Variants in SPRED2 observed in about 807,000 individuals in gnomAD.
The protein encoded by SPRED2 is sprouty related EVH1 domain containing 2, also known as sprouty-related, EVH1 domain-containing protein 2.
A neutral mutation model predicts 43.0 loss-of-function variants in SPRED2; 47 were observed. That is an observed-to-expected ratio of 1.09 (90% CI 0.87 to 1.40). The LOEUF is 1.40. SPRED2 is among the 40% of genes most tolerant of loss of function. The pLI is 0.00. For synonymous variants in SPRED2, 225 were observed against 225.7 expected, an observed-to-expected ratio of 1.00 and a Z score of 0.03; for missense variants, 561 against 586.4, an observed-to-expected ratio of 0.96 and a Z score of 0.45.
Position 65,313,049 on chromosome 2 carries a change from G to A in SPRED2, c.*452C>T, listed in dbSNP as rs1306965689. 9.1e-6 allele frequency: 9 copies of A among 987,124 alleles called. No individual in the cohort carries two copies. The highest frequency in any genetic ancestry group is 6.1e-5 in the Admixed American group (1 of 16,304). The allele number at this position is 987,124 out of a possible 1,614,324, so 61.1% of individuals were successfully genotyped here. ...TCCGCTGAACCAGATGCTTGCTAGC[G>A]ACAGGCAAGGTGAACCAAGAGAAAG... On this transcript the variant is annotated 3_prime_UTR_variant, in exon 6 of 6. Transcript: ENST00000356388.
intron 1 of SPRED2, among the ~76,000 whole-genome samples, chr2:65,409,059 A>T (rs376215739): frequency 4.6e-5 from 7 of 152,362 alleles, no homozygotes; most frequent in East Asian, 3.9e-4. Flanking sequence ...AAATCAACTG[A>T]CTTAATACAA....
intron 4 of SPRED2, among the ~76,000 whole-genome samples, chr2:65,321,113 A>C (rs549045863): frequency 1.3e-5 from 2 of 152,308 alleles, no homozygotes; most frequent in African/African-American, 4.8e-5. Context: ...ACAAAAGCAG[A>C]GGTCCCCTGT....
chr2:65,371,813 C>T (rs142641171), intron 1 of SPRED2, among the ~76,000 whole-genome samples: 4 of 151,988 alleles, frequency 2.6e-5, no homozygotes, highest in Non-Finnish European at 4.4e-5. Context: ...CGGTGGCTCA[C>T]GCCTCTAATC....
At chr2:65,391,483 T>C (rs1162847000) in intron 1 of SPRED2, among the ~76,000 whole-genome samples, 4 of 152,204 alleles carry the variant, frequency 2.6e-5, no homozygotes, top group African/African-American at 9.7e-5. Flanking sequence ...CAGAATTCTG[T>C]ATTGGATTTT....
chr2:65,344,833 C>G lies in SPRED2; in HGVS notation c.90G>C (p.Trp30Cys). 6.2e-7 allele frequency: 1 copy of G among 1,614,182 alleles called. No individual in the cohort carries two copies. Among genetic ancestry groups the G allele is most frequent in the Non-Finnish European group, 8.5e-7 (1 of 1,180,038 alleles). ...VMTRDDSSGG[W>C]FPQEGGGISR... The stretch of plus-strand genomic sequence containing the variant: ...TGATCCCGCCTCCTTCCTGTGGGAA[C>G]CATCCCCCGCTGGAGTCATCTCTGG... Residue 30 changes from tryptophan to cysteine, a missense_variant, in exon 2 of 6, where the codon TGG becomes TGC. Trp to Cys is a radical substitution (Grantham distance 215). Around this residue, in one of 6 missense-constraint regions of SPRED2, gnomAD observed 305 missense variants for 282.4 expected, o/e 1.08. Coordinates refer to ENST00000356388, the MANE Select transcript of SPRED2 (RefSeq NM_181784.3).
chr2:65,342,479 G>A lies in SPRED2; in HGVS notation c.204+2240C>T, dbSNP rs556645276. Among the ~76,000 whole-genome samples the A allele has an allele frequency of 1.2e-3, 172 of 149,334 alleles. 1 individual carries two copies. The Middle Eastern group carries it at 0.025, about 22-fold the overall frequency. ...ATATATGTATGAATATTTTGTATACGTATATTATATATGTATGTATATTTT... is the reference window on the plus strand; with the variant it reads ...ATATATGTATGAATATTTTGTATACATATATTATATATGTATGTATATTTT... On this transcript the variant is annotated intron_variant, in intron 2 of 5. Transcript: ENST00000356388.
chr2:65,392,305 A>G (rs1675658547), intron 1 of SPRED2, among the ~76,000 whole-genome samples: 1 of 151,488 alleles, frequency 6.6e-6, no homozygotes. Context: ...CAGCCTCCCA[A>G]CCACAGGTGA....
intron 4 of SPRED2, among the ~76,000 whole-genome samples, chr2:65,323,907 TG>T (rs1217333442): frequency 6.6e-6 from 1 of 151,884 alleles, no homozygotes; most frequent in Middle Eastern, 3.2e-3. Context: ...GAAGGGTTTC[TG>T]GGTTTGGGTT....
chr2:65,396,351 C>G (rs902293431), intron 1 of SPRED2, among the ~76,000 whole-genome samples: 1 of 152,206 alleles, frequency 6.6e-6, no homozygotes, highest in African/African-American at 2.4e-5. Flanking sequence ...ATTTCCTTCC[C>G]CCACCAAATA....
At chr2:65,335,216 T>A (rs1673929786) in intron 2 of SPRED2, among the ~76,000 whole-genome samples, 1 of 152,164 alleles carries the variant, frequency 6.6e-6, no homozygotes, top group Admixed American at 6.5e-5. Context: ...GCAATACCAA[T>A]CCCTCTCCAC....
intron 4 of SPRED2, among the ~76,000 whole-genome samples, chr2:65,320,125 T>A (rs144229403): frequency 1.1e-3 from 161 of 152,314 alleles, no homozygotes; most frequent in African/African-American, 3.8e-3. Flanking sequence ...AAATGAGTAA[T>A]CAGGGCCTTT....
rs545940938 is a variant in SPRED2 at position 65,411,017 on chromosome 2, C to T, written c.26+20945G>A. 5.9e-5 allele frequency among the ~76,000 whole-genome samples: 9 copies of T among 152,338 alleles called. No homozygotes were observed. The South Asian group carries it at 1.9e-3, about 32-fold the overall frequency. ...GGTGCCTTCACTGTGGAAAACCTAT[C>T]AGAGGATGCGCTTGACCTACTGCAA... On this transcript the variant is annotated intron_variant, in intron 1 of 5. Coordinates refer to ENST00000356388, the MANE Select transcript of SPRED2 (RefSeq NM_181784.3).
intron 2 of SPRED2, among the ~76,000 whole-genome samples, chr2:65,342,907 G>C (rs1674236356): frequency 6.6e-6 from 1 of 152,186 alleles, no homozygotes; most frequent in African/African-American, 2.4e-5. Flanking sequence ...AAGCCCAGGA[G>C]TTGGAGGCCA....
At chr2:65,353,135 A>G (rs1674556763) in intron 1 of SPRED2, among the ~76,000 whole-genome samples, 1 of 152,114 alleles carries the variant, frequency 6.6e-6, no homozygotes, top group African/African-American at 2.4e-5. Flanking sequence ...GGTCCTGCTT[A>G]TGTGCAGGAG....
intron 4 of SPRED2, among the ~76,000 whole-genome samples, chr2:65,330,728 C>T (rs745485010): frequency 1.7e-4 from 26 of 152,204 alleles, no homozygotes; most frequent in Non-Finnish European, 3.2e-4. Flanking sequence ...CGGTGACATA[C>T]AGAGTAGTGT....
At chr2:65,430,213 C>T (rs1409425729) in intron 1 of SPRED2, among the ~76,000 whole-genome samples, 1 of 152,192 alleles carries the variant, frequency 6.6e-6, no homozygotes, top group African/African-American at 2.4e-5. Context: ...CCTAAAAGCG[C>T]AACTTTTTTT....
chr2:65,382,694 G>C (rs770702499), intron 1 of SPRED2, among the ~76,000 whole-genome samples: 1 of 152,192 alleles, frequency 6.6e-6, no homozygotes, highest in Non-Finnish European at 1.5e-5. Flanking sequence ...TGTTTCCACA[G>C]TAACCAAAAT....
At chr2:65,354,815 A>C (rs138518350) in intron 1 of SPRED2, among the ~76,000 whole-genome samples, 1 of 152,248 alleles carries the variant, frequency 6.6e-6, no homozygotes, top group East Asian at 1.9e-4. Flanking sequence ...TGGGCAACGA[A>C]GTGTTCGCTG....
At chr2:65,336,072 G>A (rs1483370393) in intron 2 of SPRED2, among the ~76,000 whole-genome samples, 2 of 152,116 alleles carry the variant, frequency 1.3e-5, no homozygotes, top group Non-Finnish European at 2.9e-5. Flanking sequence ...CAAAAAGAAG[G>A]AGGCCAGTAC....
Sources: allele counts gnomAD v4.1 joint callset (sites outside exome capture counted in the v4.1 genomes callset), GRCh38; gene constraint gnomAD v4.1.1; regional missense constraint gnomAD v4.1.1; transcripts MANE v1.5; gene names NCBI Gene and HGNC (gene_info 2026-07-23, HGNC 2026-07-21).